CCDC85C: variants seen among roughly 807,000 people sequenced by gnomAD.
CCDC85C encodes the protein coiled-coil domain containing 85C, also known as coiled-coil domain-containing protein 85C.
A neutral mutation model predicts 38.3 loss-of-function variants in CCDC85C; 18 were observed. That is an observed-to-expected ratio of 0.47 (90% CI 0.33 to 0.70). The LOEUF is 0.70. CCDC85C is among the 30% of genes least tolerant of loss of function. CCDC85C has a pLI of 0.03. For missense variants in CCDC85C, 566 were observed against 621.2 expected (o/e 0.91, Z 0.94); for synonymous variants, 264 against 293.8 (o/e 0.90, Z 1.04).
In CCDC85C at chr14:99,515,294, G is replaced by A; in HGVS notation, c.1212C>T (p.Pro404=). ...TCCCAGACAGGTGCTGCCGTATGGA[G>A]GGCTTGGAGCTGGCTGCATCTCCCA... ...RKLGDAASSK[P]SIRQHLSGNQ... Residue 404 remains proline, a synonymous_variant, in exon 6 of 6, where the codon CCC becomes CCT. Transcript: ENST00000380243. 2 of 1,550,952 alleles carry A rather than the reference G, an allele frequency of 1.3e-6. No individual in the cohort carries two copies. Among genetic ancestry groups the A allele is most frequent in the Non-Finnish European group, 1.7e-6 (2 of 1,146,856 alleles).
Position 99,515,151 on chromosome 14 carries a change from C to G in CCDC85C, c.*95G>C. 1 of 863,686 alleles carries G rather than the reference C, an allele frequency of 1.2e-6. No individual in the cohort carries two copies. Among genetic ancestry groups the G allele is most frequent in the Non-Finnish European group, 1.8e-6 (1 of 551,552 alleles). The allele number at this position is 863,686 out of a possible 1,614,324, so 53.5% of individuals were successfully genotyped here. A position where few individuals can be genotyped will look rare whatever the true frequency, so the allele number is the denominator to read the frequency against. On this transcript the variant is annotated 3_prime_UTR_variant, in exon 6 of 6. Coordinates refer to ENST00000380243, the MANE Select transcript of CCDC85C (RefSeq NM_001144995.2). ...TACAGTTCACCACAGAGGAAGAAGACAGGGGCTGGGCTGGAGGTCCTGCCC... is the reference window on the plus strand; with the variant it reads ...TACAGTTCACCACAGAGGAAGAAGAGAGGGGCTGGGCTGGAGGTCCTGCCC...
At position 99,500,691 on chromosome 14, in the gene CCDC85C, G is replaced by A; in HGVS notation, c.*14555C>T. The A allele has an allele frequency of 1.1e-6, 1 of 947,796 alleles. No homozygotes were observed. The highest frequency in any genetic ancestry group is 1.7e-6 in the Non-Finnish European group (1 of 600,952). The allele number at this position is 947,796 out of a possible 1,614,324, so 58.7% of individuals were successfully genotyped here. ...ACTTGAAGAGAGAATAAATAGACAG[G>A]AAAGCTCACTTTTGTAATGCTGCTT... On this transcript the variant is annotated 3_prime_UTR_variant, in exon 6 of 6. Coordinates refer to ENST00000380243, the MANE Select transcript of CCDC85C (RefSeq NM_001144995.2).
chr14:99,515,638 C>A (rs570704876), intron 5 of CCDC85C, among the ~76,000 whole-genome samples: 2 of 152,076 alleles, frequency 1.3e-5, no homozygotes, highest in Admixed American at 6.5e-5. Flanking sequence ...TCTCGCCCCC[C>A]CTTTAAGTCC....
chr14:99,502,144 G>C lies in CCDC85C; in HGVS notation c.*13102C>G, dbSNP rs139759844. On this transcript the variant is annotated 3_prime_UTR_variant, in exon 6 of 6. Coordinates refer to ENST00000380243, the MANE Select transcript of CCDC85C (RefSeq NM_001144995.2). The stretch of plus-strand genomic sequence containing the variant: ...TAATGGTTAGTTATGGCATCTCCAT[G>C]CACTGGTTTAATCATAAATATTAGA... 2.0e-6 allele frequency: 3 copies of C among 1,487,210 alleles called. No individual in the cohort carries two copies. The highest frequency in any genetic ancestry group is 2.7e-6 in the Non-Finnish European group (3 of 1,114,018). The allele number at this position is 1,487,210 out of a possible 1,614,324, so 92.1% of individuals were successfully genotyped here.
chr14:99,528,955 CAA>C lies in CCDC85C; in HGVS notation c.868-6717_868-6716del, dbSNP rs1897442170. On this transcript the variant is annotated intron_variant, in intron 2 of 5. Coordinates refer to ENST00000380243, the MANE Select transcript of CCDC85C (RefSeq NM_001144995.2). ...CCACGGCACACGTGTACTCATGTAA[CAA>C]ACCTGCATGTCCTGCACATGTACCC... Among the ~76,000 whole-genome samples the C allele has an allele frequency of 2.0e-5, 3 of 152,080 alleles. No individual in the cohort carries two copies. In the South Asian group the frequency reaches 6.2e-4, roughly 32 times the overall value.
Position 99,511,840 on chromosome 14 carries a change from C to T in CCDC85C, c.*3406G>A, listed in dbSNP as rs1897138245. The T allele has an allele frequency of 6.6e-6, 1 of 152,536 alleles. No individual in the cohort carries two copies. Among genetic ancestry groups the T allele is most frequent in the South Asian group, 2.1e-4 (1 of 4,832 alleles). 9.4% of individuals were successfully genotyped at this position (152,536 alleles called of 1,614,324 possible). ...CGGGGGCTTGGATTTGAAACCCTTT[C>T]CACTTCTGGCCTGTGATGAGACAGA... On this transcript the variant is annotated 3_prime_UTR_variant, in exon 6 of 6. Coordinates refer to ENST00000380243, the MANE Select transcript of CCDC85C (RefSeq NM_001144995.2).
chr14:99,592,098 C>G (rs1223443474), intron 1 of CCDC85C, among the ~76,000 whole-genome samples: 1 of 152,206 alleles, frequency 6.6e-6, no homozygotes. Flanking sequence ...TCGTCTAGAC[C>G]AGGGCTTCCC....
Position 99,603,964 on chromosome 14 carries a change from G to C in CCDC85C, c.-5C>G. The C allele has an allele frequency of 1.5e-6, 2 of 1,332,172 alleles. No homozygotes were observed. Among genetic ancestry groups the C allele is most frequent in the Non-Finnish European group, 1.9e-6 (2 of 1,046,696 alleles). 82.5% of individuals were successfully genotyped at this position (1,332,172 alleles called of 1,614,324 possible). On this transcript the variant is annotated 5_prime_UTR_variant, in exon 1 of 6. Transcript: ENST00000380243. The surrounding 1 kb of genome is among the most constrained non-coding windows in gnomAD (Gnocchi z 7.5). ...CGTCGCCGCGGGCTTAGCCATGGCG[G>C]GGCCGTCACCGCGGCATCGCCCTCG... is the stretch of plus-strand genomic sequence containing the variant.
At position 99,544,620 on chromosome 14, in the gene CCDC85C, A is replaced by C. The variant is rs1490742336; in HGVS notation, c.794-8532T>G. Among the ~76,000 whole-genome samples, 2 of 152,018 alleles carry C rather than the reference A, an allele frequency of 1.3e-5. No individual in the cohort carries two copies. Among genetic ancestry groups the C allele is most frequent in the African/African-American group, 2.4e-5 (1 of 41,382 alleles). ...CCTGACTCCCCTCTCCCAGAGCAGA[A>C]ATTCTCTTCGTGACGCAAGGTGACT... On this transcript the variant is annotated intron_variant, in intron 1 of 5. Transcript: ENST00000380243. This position sits in a 1 kb window ranked among gnomAD's most constrained non-coding sequence, Gnocchi z 5.3.
Position 99,503,680 on chromosome 14 carries a change from T to C in CCDC85C, c.*11566A>G, listed in dbSNP as rs1896899677. 1 of 1,516,950 alleles carries C rather than the reference T, an allele frequency of 6.6e-7. No individual in the cohort carries two copies. 94.0% of individuals were successfully genotyped at this position (1,516,950 alleles called of 1,614,324 possible). Reference sequence around the variant, plus strand: ...GTTCTGATGTTTTTTTAGTTTTATGTGTTTATATGCAAAACTTTAAATTCT... The same window carrying C: ...GTTCTGATGTTTTTTTAGTTTTATGCGTTTATATGCAAAACTTTAAATTCT... On this transcript the variant is annotated 3_prime_UTR_variant, in exon 6 of 6. Coordinates refer to ENST00000380243, the MANE Select transcript of CCDC85C (RefSeq NM_001144995.2).
chr14:99,554,800 G>C (rs1897979894), intron 1 of CCDC85C, among the ~76,000 whole-genome samples: 2 of 152,232 alleles, frequency 1.3e-5, no homozygotes, highest in South Asian at 4.2e-4. Context: ...GAGTGGAGTA[G>C]AGTTCATGAC....
At position 99,588,714 on chromosome 14, in the gene CCDC85C, T is replaced by C. The variant is rs1159270359; in HGVS notation, c.793+14453A>G. On this transcript the variant is annotated intron_variant, in intron 1 of 5. Transcript: ENST00000380243. The surrounding 1 kb of genome is among the most constrained non-coding windows in gnomAD (Gnocchi z 5.0). ...AAGCACTTGGAAGGTGGTCCTGAAG[T>C]AAGAAACCAGGCCACTGCAGGTCTT... is the stretch of plus-strand genomic sequence containing the variant. Among the ~76,000 whole-genome samples, 1 of 151,562 alleles carries C rather than the reference T, an allele frequency of 6.6e-6. No individual in the cohort carries two copies. Among genetic ancestry groups the C allele is most frequent in the African/African-American group, 2.4e-5 (1 of 41,216 alleles).
At chr14:99,570,205 T>C (rs1898308205) in intron 1 of CCDC85C, among the ~76,000 whole-genome samples, 1 of 152,130 alleles carries the variant, frequency 6.6e-6, no homozygotes, top group Non-Finnish European at 1.5e-5. Flanking sequence ...ATATGGAAAG[T>C]TCTAGCATCT....
chr14:99,565,437 G>A (rs184431067), intron 1 of CCDC85C, among the ~76,000 whole-genome samples: 122 of 152,356 alleles, frequency 8.0e-4, no homozygotes, highest in Non-Finnish European at 1.6e-3. Flanking sequence ...CCATAAAAGG[G>A]AGACAACCTA....
At chr14:99,561,509 C>T (rs1898116555) in intron 1 of CCDC85C, among the ~76,000 whole-genome samples, 2 of 152,338 alleles carry the variant, frequency 1.3e-5, no homozygotes, top group South Asian at 4.1e-4. Context: ...GGCAGTCCCT[C>T]CCCCACTGGA....
chr14:99,536,154 C>T (rs1897594210), intron 1 of CCDC85C, 66 bp from the exon 2 acceptor site: 7 of 1,116,906 alleles, frequency 6.3e-6, no homozygotes, highest in South Asian at 2.7e-5. Flanking sequence ...TGCGCAACCC[C>T]GACTGGCCCC....
intron 1 of CCDC85C, among the ~76,000 whole-genome samples, chr14:99,600,083 T>C (rs2055183457): frequency 6.6e-6 from 1 of 152,244 alleles, no homozygotes; most frequent in Non-Finnish European, 1.5e-5. Context: ...GCAGGGCCAC[T>C]GTCCTCACTA....
intron 1 of CCDC85C, among the ~76,000 whole-genome samples, chr14:99,573,413 G>C (rs1411518510): frequency 6.6e-6 from 1 of 152,220 alleles, no homozygotes; most frequent in East Asian, 1.9e-4. Flanking sequence ...AGGTCATTTA[G>C]TCTTAAATGG....
In CCDC85C at chr14:99,513,207, C is replaced by G. The variant is rs564595526; in HGVS notation, c.*2039G>C. 3 of 152,290 alleles carry G rather than the reference C, an allele frequency of 2.0e-5. No homozygotes were observed. In the South Asian group the frequency reaches 6.2e-4, roughly 32 times the overall value. The allele number at this position is 152,290 out of a possible 1,614,324, so 9.4% of individuals were successfully genotyped here. ...ACTTATTGCTTATTTCAGTGGTGGC[C>G]ACGCCAACCTGACCCAAACATGATG... On this transcript the variant is annotated 3_prime_UTR_variant, in exon 6 of 6. Transcript: ENST00000380243.
Sources: allele counts gnomAD v4.1 joint callset (sites outside exome capture counted in the v4.1 genomes callset), GRCh38; gene constraint gnomAD v4.1.1; non-coding constraint Gnocchi (gnomAD v3.1); transcripts MANE v1.5; gene names NCBI Gene and HGNC (gene_info 2026-07-23, HGNC 2026-07-21).